FOXP1: variants seen among roughly 807,000 people sequenced by gnomAD.
FOXP1 encodes forkhead box protein P1.
Under a neutral mutation model 98.2 loss-of-function variants are expected in FOXP1, and 15 were observed. That is an observed-to-expected ratio of 0.15 (90% confidence interval 0.10 to 0.24). The LOEUF (loss-of-function observed/expected upper bound fraction) is 0.24, where lower values mean the gene tolerates loss of function less well. Ranked by LOEUF, FOXP1 falls within the 10% of genes least tolerant of loss-of-function variation. FOXP1 has a pLI of 1.00. For missense variants in FOXP1, 633 were observed against 848.5 expected, an observed-to-expected ratio of 0.75 and a Z score of 3.15; for synonymous variants, 371 against 314.5, an observed-to-expected ratio of 1.18 and a Z score of -1.90.
At chr3:70,997,952 A>C (rs963727948) in intron 13 of FOXP1, among the ~76,000 whole-genome samples, 1 of 152,220 alleles carries the variant, frequency 6.6e-6, no homozygotes, top group African/African-American at 2.4e-5. Flanking sequence ...ATGACCTCCA[A>C]AACTGGCAGG....
At chr3:70,990,065 T>C (rs986325691) in intron 13 of FOXP1, among the ~76,000 whole-genome samples, 7 of 152,196 alleles carry the variant, frequency 4.6e-5, no homozygotes, top group African/African-American at 1.2e-4. Flanking sequence ...CATGAGCACA[T>C]TGCTTAGAAT....
chr3:70,989,370 C>A (rs529953381), intron 13 of FOXP1, among the ~76,000 whole-genome samples: 13 of 151,764 alleles, frequency 8.6e-5, no homozygotes, highest in Non-Finnish European at 1.9e-4. Flanking sequence ...AAAAAACAGC[C>A]GTACAGTGTT....
At chr3:71,080,336 A>ATTTTTTTT (rs2054277587) in intron 7 of FOXP1, among the ~76,000 whole-genome samples, 1 of 152,244 alleles carries the variant, frequency 6.6e-6, no homozygotes, top group African/African-American at 2.4e-5. Flanking sequence ...TAACACCTTT[A>ATTTTTTTT]GAAGTTTTTT....
chr3:71,386,524 C>T (rs748105861), intron 3 of FOXP1, among the ~76,000 whole-genome samples: 1 of 152,090 alleles, frequency 6.6e-6, no homozygotes, highest in Admixed American at 6.6e-5. Context: ...GGGCAGATCA[C>T]GACCTCAAAA....
intron 2 of FOXP1, among the ~76,000 whole-genome samples, chr3:71,538,628 C>T (rs963024638): frequency 4.6e-5 from 7 of 152,190 alleles, no homozygotes; most frequent in Non-Finnish European, 1.0e-4. Flanking sequence ...CATTTATGTA[C>T]AAGCTTTTCT....
chr3:71,292,808 C>T (rs2072897482), intron 5 of FOXP1, among the ~76,000 whole-genome samples: 1 of 152,078 alleles, frequency 6.6e-6, no homozygotes, highest in South Asian at 2.1e-4. Flanking sequence ...CATGTTTTTC[C>T]TTTTTCTTCC....
intron 5 of FOXP1, among the ~76,000 whole-genome samples, chr3:71,261,073 T>C (rs1212268952): frequency 2.6e-5 from 4 of 152,150 alleles, no homozygotes; most frequent in African/African-American, 7.2e-5. Flanking sequence ...CCTGGGCACA[T>C]TAAGGTAAAA....
At chr3:71,279,422 G>A (rs745710144) in intron 5 of FOXP1, among the ~76,000 whole-genome samples, 4 of 152,086 alleles carry the variant, frequency 2.6e-5, no homozygotes, top group Non-Finnish European at 4.4e-5. Flanking sequence ...TGTCATGCAT[G>A]GGGCAGGGGT....
rs1318490660 is a variant in FOXP1 at position 70,966,371 on chromosome 3, T to C, written c.1723-315A>G. 3 of 381,496 alleles carry C rather than the reference T, an allele frequency of 7.9e-6. No homozygotes were observed. The East Asian group carries it at 1.8e-4, about 22-fold the overall frequency. 23.6% of individuals were successfully genotyped at this position (381,496 alleles called of 1,614,324 possible). ...ATATGAGGTTTATGTCGGATGCGTT[T>C]TTAAGAGGAGCTGAATATTTCCAGA... On this transcript the variant is annotated intron_variant, in intron 19 of 20. Coordinates refer to ENST00000649528, the MANE Select transcript of FOXP1 (RefSeq NM_001349338.3).
intron 17 of FOXP1, among the ~76,000 whole-genome samples, chr3:70,975,546 G>C (rs749307205): frequency 6.6e-6 from 1 of 152,092 alleles, no homozygotes; most frequent in African/African-American, 2.4e-5. Flanking sequence ...GTTTTTCTCC[G>C]GTATAAAATT....
intron 7 of FOXP1, among the ~76,000 whole-genome samples, chr3:71,068,809 TGGCCTACTCA>T (rs991827976): frequency 2.6e-5 from 4 of 152,212 alleles, no homozygotes; most frequent in Non-Finnish European, 5.9e-5. Flanking sequence ...ACATGCCTGA[TGGCCTACTCA>T]GGAAAGCGCG....
chr3:71,478,725 A>G (rs1403027280), intron 3 of FOXP1, among the ~76,000 whole-genome samples: 1 of 152,230 alleles, frequency 6.6e-6, no homozygotes, highest in Non-Finnish European at 1.5e-5. Context: ...ACAATGAATC[A>G]CAGACATTCA....
At chr3:71,105,745 C>A (rs1165997263) in intron 7 of FOXP1, among the ~76,000 whole-genome samples, 2 of 152,046 alleles carry the variant, frequency 1.3e-5, no homozygotes, top group African/African-American at 4.8e-5. Flanking sequence ...ACCTTTCTGT[C>A]CCCACCACAC....
chr3:71,469,942 G>A (rs1360100819), intron 3 of FOXP1, among the ~76,000 whole-genome samples: 1 of 152,192 alleles, frequency 6.6e-6, no homozygotes, highest in South Asian at 2.1e-4. Context: ...GACAGAAATG[G>A]CCTCATGTGG....
intron 7 of FOXP1, among the ~76,000 whole-genome samples, chr3:71,066,268 G>C (rs548684679): frequency 1.1e-4 from 17 of 152,306 alleles, no homozygotes; most frequent in South Asian, 1.0e-3. Context: ...GCGGGGAGCA[G>C]ACAATTCCCT....
At position 71,107,112 on chromosome 3, in the gene FOXP1, T is replaced by G. The variant is rs537286695; in HGVS notation, c.282+5424A>C. ...ATTATGAATAAACAAAACCAATCAATAGCCATGGAGTGGGCTGTCCTGGGC... is the reference window on the plus strand; with the variant it reads ...ATTATGAATAAACAAAACCAATCAAGAGCCATGGAGTGGGCTGTCCTGGGC... On this transcript the variant is annotated intron_variant, in intron 7 of 20. Coordinates refer to ENST00000649528, the MANE Select transcript of FOXP1 (RefSeq NM_001349338.3). Among the ~76,000 whole-genome samples, 65 of 152,244 alleles carry G rather than the reference T, an allele frequency of 4.3e-4. 1 individual carries two copies. The South Asian group carries it at 0.013, about 31-fold the overall frequency.
intron 17 of FOXP1, among the ~76,000 whole-genome samples, chr3:70,975,289 T>G (rs1485595723): frequency 1.3e-5 from 2 of 152,238 alleles, no homozygotes; most frequent in African/African-American, 2.4e-5. Flanking sequence ...AAAGCATTCA[T>G]GGCTAAAGAT....
Position 70,956,291 on chromosome 3 carries a change from A to C in FOXP1, c.*2956T>G. 1 of 233,536 alleles carries C rather than the reference A, an allele frequency of 4.3e-6. No homozygotes were observed. Among genetic ancestry groups the C allele is most frequent in the East Asian group, 6.0e-5 (1 of 16,556 alleles). The allele number at this position is 233,536 out of a possible 1,614,324, so 14.5% of individuals were successfully genotyped here. ...AAGCAACTGGGATAACCCCCAGGGG[A>C]TACAGAATCAGAATTGTAAAAATCA... On this transcript the variant is annotated 3_prime_UTR_variant, in exon 21 of 21. Transcript: ENST00000649528.
In FOXP1 at chr3:71,060,100, T is replaced by C. The variant is rs147314301; in HGVS notation, c.283-6327A>G. Among the ~76,000 whole-genome samples the C allele has an allele frequency of 5.5e-4, 84 of 152,262 alleles. No individual in the cohort carries two copies. In the East Asian group the frequency reaches 7.9e-3, roughly 14 times the overall value. On this transcript the variant is annotated intron_variant, in intron 7 of 20. Transcript: ENST00000649528. Reference sequence around the variant, plus strand: ...GATTTAATCAGCATAGAAAATTTCATAGGGAGCTTAACTGCAAATATGTAT... The same window carrying C: ...GATTTAATCAGCATAGAAAATTTCACAGGGAGCTTAACTGCAAATATGTAT...
Sources: allele counts gnomAD v4.1 joint callset (sites outside exome capture counted in the v4.1 genomes callset), GRCh38; gene constraint gnomAD v4.1.1; transcripts MANE v1.5; gene names NCBI Gene and HGNC (gene_info 2026-07-23, HGNC 2026-07-21).